The following GPAT4 variants were observed in gnomAD, a reference collection of about 807,000 sequenced individuals.
The protein encoded by GPAT4 is glycerol-3-phosphate acyltransferase 4, also known as 1-AGP acyltransferase 6.
GPAT4 carries 17 observed loss-of-function variants against 58.0 expected under a neutral mutation model. The observed-to-expected ratio is 0.29, with a 90% CI of 0.20 to 0.44. The LOEUF is 0.44. Among genes scored for constraint, GPAT4 ranks in the 20% least tolerant of loss-of-function variants. The pLI, the probability that GPAT4 is intolerant of heterozygous loss-of-function variation, is 1.00. For missense variants in GPAT4, 377 were observed against 574.5 expected (o/e 0.66, Z 3.51); for synonymous variants, 204 against 210.1 (o/e 0.97, Z 0.25).
chr8:41,593,719 C>T (rs772307130), intron 1 of GPAT4, among the ~76,000 whole-genome samples: 4 of 152,188 alleles, frequency 2.6e-5, no homozygotes, highest in Non-Finnish European at 5.9e-5. Flanking sequence ...AGAACGTGAT[C>T]CTCAGGCTGG....
Position 41,612,839 on chromosome 8 carries a change from G to T in GPAT4, c.796-6G>T, listed in dbSNP as rs774689857. 6.2e-6 allele frequency: 10 copies of T among 1,613,066 alleles called. No homozygotes were observed. The highest frequency in any genetic ancestry group is 8.5e-6 in the Non-Finnish European group (10 of 1,179,274). On this transcript the variant is annotated splice_region_variant and splice_polypyrimidine_tract_variant and intron_variant, in intron 7 of 12. Coordinates refer to ENST00000396987, the MANE Select transcript of GPAT4 (RefSeq NM_178819.4). ...CACTACTAATGAGTCCTGTGCCTGC[G>T]CTTAGGTGGGTCAAGTGCACGGGGG...
intron 8 of GPAT4, among the ~76,000 whole-genome samples, chr8:41,613,827 G>C (rs1803516459): frequency 6.6e-6 from 1 of 151,942 alleles, no homozygotes; most frequent in Admixed American, 6.5e-5. Flanking sequence ...GACGTGGGAG[G>C]ATCGCTTGAG....
intron 1 of GPAT4, among the ~76,000 whole-genome samples, chr8:41,596,455 C>G (rs901382567): frequency 3.9e-5 from 6 of 152,200 alleles, no homozygotes; most frequent in African/African-American, 1.4e-4. Flanking sequence ...GATCAGGCCA[C>G]GCTTCCACTC....
intron 8 of GPAT4, 38 bp from the exon 9 acceptor site, chr8:41,614,348 G>A (rs369833607): frequency 1.3e-6 from 2 of 1,571,038 alleles, no homozygotes; most frequent in South Asian, 1.1e-5. Flanking sequence ...ATGTGTATAA[G>A]GTTGTCTGAC....
chr8:41,603,016 C>CT (rs1173167847), intron 2 of GPAT4, among the ~76,000 whole-genome samples: 6 of 152,166 alleles, frequency 3.9e-5, no homozygotes, highest in African/African-American at 1.4e-4. Context: ...ATGCCATCAC[C>CT]TTGGGGCTTA....
At chr8:41,584,140 G>A (rs552766401) in intron 1 of GPAT4, among the ~76,000 whole-genome samples, 2 of 152,048 alleles carry the variant, frequency 1.3e-5, no homozygotes, top group South Asian at 2.1e-4. Context: ...CAAGTGATCC[G>A]CCCACCTCGG....
rs1803388836 is a variant in GPAT4 at position 41,609,793 on chromosome 8, C to A, written c.374C>A (p.Thr125Asn). ...IFYFCRKGME[T>N]IMDDEVTKRF... ...TACTTTTGCCGGAAAGGAATGGAGA[C>A]CATTATGGATGATGAGGTGACAAAG... Residue 125 changes from threonine (T) to asparagine (N), a missense_variant, in exon 4 of 13, where the codon ACC (threonine) becomes AAC (asparagine). Physicochemically the swap from Thr to Asn is moderately conservative, Grantham distance 65 (BLOSUM62 0). Transcript: ENST00000396987. 2 of 1,614,026 alleles carry A rather than the reference C, an allele frequency of 1.2e-6. No individual in the cohort carries two copies. The highest frequency in any genetic ancestry group is 1.3e-5 in the African/African-American group (1 of 74,916).
In GPAT4 at chr8:41,594,438, A is replaced by G. The variant is rs183550795; in HGVS notation, c.-848-3854A>G. Among the ~76,000 whole-genome samples, 599 of 152,150 alleles carry G rather than the reference A, an allele frequency of 3.9e-3. 2 individuals are homozygous for G. The highest frequency in any genetic ancestry group is 0.014 in the Middle Eastern group (4 of 294). ...AAATAGTTTTACATTCAGGAGGCCTATATTATACAACATTTCTTGCATAAA... is the reference window on the plus strand; with the variant it reads ...AAATAGTTTTACATTCAGGAGGCCTGTATTATACAACATTTCTTGCATAAA... On this transcript the variant is annotated intron_variant, in intron 1 of 12. Coordinates refer to ENST00000396987, the MANE Select transcript of GPAT4 (RefSeq NM_178819.4).
Position 41,610,084 on chromosome 8 carries a change from G to A in GPAT4, c.536+129G>A, listed in dbSNP as rs149673629. The A allele has an allele frequency of 2.6e-5, 39 of 1,481,370 alleles. No individual in the cohort carries two copies. The African/African-American group carries it at 3.5e-4, about 13-fold the overall frequency. 91.8% of individuals were successfully genotyped at this position (1,481,370 alleles called of 1,614,324 possible). On this transcript the variant is annotated intron_variant, in intron 4 of 12. Transcript: ENST00000396987. ...GAATGACTGTCGTTAGCCAGGCCAC[G>A]TGACTCTTTGGAGGGATACACTGGT...
intron 4 of GPAT4, chr8:41,610,466 A>T: frequency 1.5e-6 from 2 of 1,314,234 alleles, no homozygotes; most frequent in Non-Finnish European, 9.7e-7. Flanking sequence ...CAGAATGGCC[A>T]GCTTAGGGTT....
At chr8:41,615,158 C>T in intron 10 of GPAT4, 110 bp downstream of exon 10, 1 of 969,994 alleles carries the variant, frequency 1.0e-6, no homozygotes, top group Non-Finnish European at 1.6e-6. Context: ...GGTCGATGCC[C>T]TCAGCAGAGT....
intron 8 of GPAT4, 91 bp downstream of exon 8, chr8:41,613,051 C>T: frequency 3.8e-6 from 4 of 1,051,334 alleles, no homozygotes; most frequent in Non-Finnish European, 5.6e-6. Context: ...AGTTACGTGC[C>T]TTCTATCATA....
chr8:41,612,313 C>T (rs1236194425), intron 7 of GPAT4, 40 bp downstream of exon 7: 1 of 1,605,942 alleles, frequency 6.2e-7, no homozygotes, highest in East Asian at 2.2e-5. Context: ...GCAAGACTTC[C>T]TGCTTTAGAG....
intron 1 of GPAT4, among the ~76,000 whole-genome samples, chr8:41,592,579 G>C (rs1359996453): frequency 6.6e-6 from 1 of 152,030 alleles, no homozygotes; most frequent in Non-Finnish European, 1.5e-5. Flanking sequence ...ACTAATTCTC[G>C]GGCTTCTCAT....
chr8:41,580,262 A>G (rs1364471605), intron 1 of GPAT4, among the ~76,000 whole-genome samples: 1 of 152,240 alleles, frequency 6.6e-6, no homozygotes, highest in African/African-American at 2.4e-5. Context: ...TGAGAAGAAG[A>G]ACAAGCTATA....
In GPAT4 at chr8:41,603,668, G is replaced by T. The variant is rs183682173; in HGVS notation, c.165+4364G>T. Reference sequence around the variant, plus strand: ...TGACTGTTCCTGACACAGAGGATGTGGGGGGGCAGGATGCTGTGATATGTG... The same window carrying T: ...TGACTGTTCCTGACACAGAGGATGTTGGGGGGCAGGATGCTGTGATATGTG... On this transcript the variant is annotated intron_variant, in intron 2 of 12. Transcript: ENST00000396987. Among the ~76,000 whole-genome samples, 8 of 152,044 alleles carry T rather than the reference G, an allele frequency of 5.3e-5. No individual in the cohort carries two copies. The South Asian group carries it at 1.0e-3, about 20-fold the overall frequency.
At chr8:41,609,546 T>G in intron 3 of GPAT4, 61 bp downstream of exon 3, 1 of 1,603,504 alleles carries the variant, frequency 6.2e-7, no homozygotes, top group Admixed American at 1.7e-5. Flanking sequence ...CCCCAGTGCT[T>G]CTGGTGCCAC....
chr8:41,601,241 C>T (rs1803085916), intron 2 of GPAT4, among the ~76,000 whole-genome samples: 1 of 152,044 alleles, frequency 6.6e-6, no homozygotes, highest in Admixed American at 6.5e-5. Context: ...TTAGAAATGA[C>T]CATTGCAGAC....
intron 10 of GPAT4, among the ~76,000 whole-genome samples, chr8:41,617,372 ATAT>A (rs1450872970): frequency 6.6e-6 from 1 of 152,100 alleles, no homozygotes. Flanking sequence ...CTCAAAATGT[ATAT>A]TATTATATAT....
Sources: gnomAD v4.1 joint callset for allele counts (sites outside exome capture counted in the v4.1 genomes callset) on GRCh38, gnomAD v4.1.1 for gene constraint, MANE v1.5 for transcripts, NCBI Gene and HGNC (gene_info 2026-07-23, HGNC 2026-07-21) for gene names.